MTMR8: variants seen among roughly 807,000 people sequenced by gnomAD.
MTMR8 encodes phosphatidylinositol-3,5-bisphosphate 3-phosphatase MTMR8.
In MTMR8, 65 loss-of-function variants were observed where a neutral mutation model predicts 39.3. The observed-to-expected ratio is 1.65, with a 90% CI of 1.35 to 2.03. The LOEUF is 2.03. MTMR8 is among the 30% of genes most tolerant of loss of function. The probability of loss-of-function intolerance (pLI) is 0.00; values close to 1 mark genes in which losing one functional copy is unlikely to be tolerated. For missense variants in MTMR8, 777 were observed against 538.9 expected, an observed-to-expected ratio of 1.44 and a Z score of -4.37; for synonymous variants, 245 against 185.2, an observed-to-expected ratio of 1.32 and a Z score of -2.62.
chrX:64,384,103 C>A (rs1311069952), intron 1 of MTMR8, among the ~76,000 whole-genome samples: 2 of 111,874 alleles, frequency 1.8e-5, no homozygotes, highest in African/African-American at 6.5e-5. Context: ...GTTATAGGCC[C>A]CATGCAAGTA....
At chrX:64,291,272 C>T (rs1298560017) in intron 12 of MTMR8, among the ~76,000 whole-genome samples, 2 of 110,521 alleles carry the variant, frequency 1.8e-5, no homozygotes, top group African/African-American at 6.6e-5. Context: ...TCTTGCATAC[C>T]CCACAAAACT....
intron 4 of MTMR8, among the ~76,000 whole-genome samples, chrX:64,354,360 C>T (rs779398986): frequency 1.1e-4 from 12 of 110,060 alleles, no homozygotes; most frequent in Non-Finnish European, 1.9e-4. Flanking sequence ...TGATGGATAC[C>T]CCAATTACCC....
chrX:64,380,658 T>C (rs1414295565), intron 1 of MTMR8, among the ~76,000 whole-genome samples: 1 of 112,355 alleles, frequency 8.9e-6, no homozygotes, highest in Non-Finnish European at 1.9e-5. Context: ...GTTAGTTACA[T>C]ATGTATACAT....
intron 12 of MTMR8, among the ~76,000 whole-genome samples, chrX:64,271,665 G>A (rs750268637): frequency 8.9e-6 from 1 of 112,677 alleles, no homozygotes; most frequent in Non-Finnish European, 1.9e-5. Context: ...CAGAATGGAA[G>A]AAGTTGGACT....
intron 6 of MTMR8, among the ~76,000 whole-genome samples, chrX:64,346,305 AC>A (rs747797316): frequency 9.0e-6 from 1 of 111,448 alleles, no homozygotes; most frequent in Non-Finnish European, 1.9e-5. Flanking sequence ...CAAGACACAA[AC>A]TATTCAAGTT....
chrX:64,268,656 T>C lies in MTMR8; in HGVS notation c.1996A>G (p.Ile666Val). The C allele has an allele frequency of 8.3e-7, 1 of 1,211,792 alleles. No homozygotes were observed. Among genetic ancestry groups the C allele is most frequent in the African/African-American group, 1.7e-5 (1 of 57,761 alleles). The change falls in exon 14 of 14, where the codon ATC (isoleucine) becomes GTC (valine). Residue 666 changes from isoleucine (I) to valine (V), a missense_variant. By Grantham distance (29) the Ile-to-Val change is conservative. Transcript: ENST00000374852. The part of the protein sequence containing the change: ...GAMDISEATG[I>V]SGNLGISEAR... ...TCAGAAATACCCAAGTTTCCAGAGA[T>C]GCCAGTGGCCTCAGAGATGTCCATG...
intron 12 of MTMR8, among the ~76,000 whole-genome samples, chrX:64,271,718 C>A (rs1268428591): frequency 8.9e-6 from 1 of 112,370 alleles, no homozygotes; most frequent in Non-Finnish European, 1.9e-5. Flanking sequence ...ACCTGAAAGA[C>A]TGGCTTCTGT....
At chrX:64,360,931 T>C (rs1923762941) in intron 1 of MTMR8, among the ~76,000 whole-genome samples, 2 of 111,125 alleles carry the variant, frequency 1.8e-5, no homozygotes, top group Admixed American at 1.9e-4. Flanking sequence ...CACAGAAATT[T>C]AAAACCAGAG....
At chrX:64,332,186 C>T (rs1349101859) in intron 10 of MTMR8, among the ~76,000 whole-genome samples, 2 of 111,692 alleles carry the variant, frequency 1.8e-5, no homozygotes, top group African/African-American at 6.5e-5. Flanking sequence ...GAGCAACGAC[C>T]ACATCTATAT....
chrX:64,369,703 T>C (rs1027887773), intron 1 of MTMR8, among the ~76,000 whole-genome samples: 5 of 111,152 alleles, frequency 4.5e-5, no homozygotes, highest in African/African-American at 1.6e-4. Flanking sequence ...ACATGGCACA[T>C]GTATACCTAT....
chrX:64,287,528 A>C (rs1482899273), intron 12 of MTMR8, among the ~76,000 whole-genome samples: 5 of 111,337 alleles, frequency 4.5e-5, no homozygotes, highest in Non-Finnish European at 9.4e-5. Flanking sequence ...AGCCAAAAGA[A>C]CAAAGCTGGA....
intron 12 of MTMR8, among the ~76,000 whole-genome samples, chrX:64,322,402 G>C (rs953491343): frequency 2.7e-5 from 3 of 111,596 alleles, no homozygotes; most frequent in Admixed American, 9.5e-5. Flanking sequence ...TTTTGTATTA[G>C]AGTATGCTGT....
At chrX:64,363,133 A>G (rs776039376) in intron 1 of MTMR8, among the ~76,000 whole-genome samples, 2 of 112,053 alleles carry the variant, frequency 1.8e-5, no homozygotes, top group Non-Finnish European at 3.8e-5. Flanking sequence ...CCAGGGGGTT[A>G]CAGATACGTG....
intron 12 of MTMR8, among the ~76,000 whole-genome samples, chrX:64,287,212 C>T (rs1921215248): frequency 9.0e-6 from 1 of 111,212 alleles, no homozygotes; most frequent in South Asian, 3.8e-4. Flanking sequence ...CTCCCATTCA[C>T]AATTGCTTCA....
chrX:64,373,506 A>G (rs1221761529), intron 1 of MTMR8, among the ~76,000 whole-genome samples: 2 of 111,795 alleles, frequency 1.8e-5, no homozygotes, highest in Admixed American at 1.9e-4. Flanking sequence ...CTTCAGCCAT[A>G]CTACTCATAC....
At chrX:64,370,235 T>C (rs1275615857) in intron 1 of MTMR8, among the ~76,000 whole-genome samples, 1 of 110,922 alleles carries the variant, frequency 9.0e-6, no homozygotes. Context: ...TGAGAAATAA[T>C]CTTAGATATT....
At chrX:64,339,311 A>T (rs1923156128) in intron 8 of MTMR8, among the ~76,000 whole-genome samples, 1 of 111,733 alleles carries the variant, frequency 8.9e-6, no homozygotes, top group African/African-American at 3.3e-5. Flanking sequence ...AGGAGGGAAT[A>T]GTTGGATAAA....
chrX:64,327,588 A>G (rs1048298526), intron 12 of MTMR8, among the ~76,000 whole-genome samples: 7 of 112,513 alleles, frequency 6.2e-5, no homozygotes, highest in Non-Finnish European at 1.9e-5. Flanking sequence ...GGAAATGTAA[A>G]TTCGTACATT....
chrX:64,271,792 G>A (rs1199673199), intron 12 of MTMR8, among the ~76,000 whole-genome samples: 1 of 112,136 alleles, frequency 8.9e-6, no homozygotes, highest in Admixed American at 9.5e-5. Context: ...CTACAGAGAA[G>A]AAAGTGGCAG....
Sources: allele counts gnomAD v4.1 joint callset (sites outside exome capture counted in the v4.1 genomes callset), GRCh38; gene constraint gnomAD v4.1.1; transcripts MANE v1.5; gene names NCBI Gene and HGNC (gene_info 2026-07-23, HGNC 2026-07-21).